ARL2BP: variants seen among roughly 807,000 people sequenced by gnomAD.
The protein encoded by ARL2BP is ADP-ribosylation factor-like protein 2-binding protein.
ARL2BP carries 19 observed loss-of-function variants against 24.2 expected under a neutral mutation model. The ratio of observed to expected loss-of-function variants is 0.79; its 90% CI spans 0.55 to 1.15. ARL2BP has a LOEUF of 1.15. ARL2BP is among the 50% of genes most tolerant of loss of function. ARL2BP has a pLI of 0.00. For synonymous variants in ARL2BP, 56 were observed against 70.5 expected, an observed-to-expected ratio of 0.79 and a Z score of 1.03; for missense variants, 160 against 190.4, an observed-to-expected ratio of 0.84 and a Z score of 0.94.
intron 3 of ARL2BP, chr16:57,249,565 C>T (rs2075400979): frequency 5.2e-6 from 3 of 579,640 alleles, no homozygotes; most frequent in Non-Finnish European, 9.3e-6. Context: ...CCATTATCAG[C>T]TAAGGCTTCT....
At chr16:57,249,689 AGGGCT>A in intron 3 of ARL2BP, 73 bp from the exon 4 acceptor site, 1 of 1,166,958 alleles carries the variant, frequency 8.6e-7, no homozygotes, top group South Asian at 1.2e-5. Flanking sequence ...ATGTTTAGAA[AGGGCT>A]GGGCAGGCTT....
At chr16:57,250,120 C>T in intron 4 of ARL2BP, 2 of 591,806 alleles carry the variant, frequency 3.4e-6, no homozygotes, top group South Asian at 4.1e-5. Context: ...ATAGTGAGGC[C>T]CCGACCCTAC....
At chr16:57,246,053 A>G in intron 1 of ARL2BP, 27 bp from the exon 2 acceptor site, 1 of 1,610,932 alleles carries the variant, frequency 6.2e-7, no homozygotes, top group Non-Finnish European at 8.5e-7. Flanking sequence ...TATTTGAAAT[A>G]GCACCTAATC....
At chr16:57,248,399 C>T (rs1038814950) in intron 2 of ARL2BP, 138 bp from the exon 3 acceptor site, 23 of 454,340 alleles carry the variant, frequency 5.1e-5, no homozygotes, top group Non-Finnish European at 8.8e-5. Context: ...CATTTAATAC[C>T]CCCTTAAAAC....
At chr16:57,248,381 C>T in intron 2 of ARL2BP, 156 bp from the exon 3 acceptor site, 1 of 321,690 alleles carries the variant, frequency 3.1e-6, no homozygotes, top group Non-Finnish European at 6.0e-6. Context: ...ATTTCCACAT[C>T]AGGGTCCCAT....
rs764360532 is a variant in ARL2BP, at chr16:57,245,378, TAGA to T, written c.14_16del (p.Glu5del). The T allele has an allele frequency of 3.7e-6, 6 of 1,607,414 alleles. No individual in the cohort carries two copies. The highest frequency in any genetic ancestry group is 1.7e-4 in the Middle Eastern group (1 of 5,922). ...CTCGGGGCGACTGCGATGGACGCCTTAGAAGGAGAGAGCTTTGCGCTGTCTTTG... is the reference window on the plus strand; with the variant it reads ...CTCGGGGCGACTGCGATGGACGCCTTAGGAGAGAGCTTTGCGCTGTCTTTG... On this transcript the variant is annotated inframe_deletion, in exon 1 of 6. Transcript: ENST00000219204.
chr16:57,246,248 AT>A, intron 2 of ARL2BP, 107 bp downstream of exon 2: 1 of 1,083,742 alleles, frequency 9.2e-7, no homozygotes, highest in Non-Finnish European at 1.4e-6. Flanking sequence ...GCTGCCTGCA[AT>A]TTTTAATGTA....
intron 4 of ARL2BP, 145 bp from the exon 5 acceptor site, chr16:57,250,266 G>C: frequency 4.4e-6 from 3 of 683,410 alleles, no homozygotes; most frequent in Non-Finnish European, 5.1e-6. Context: ...CTCCTGCCTG[G>C]GTGACAGAGC....
intron 1 of ARL2BP, among the ~76,000 whole-genome samples, 158 bp downstream of exon 1, chr16:57,245,563 C>G (rs1479871672): frequency 2.6e-5 from 4 of 152,166 alleles, no homozygotes; most frequent in Admixed American, 6.5e-5. Context: ...CCAGGCCTTC[C>G]TTTTGTAGAG....
chr16:57,250,194 G>A (rs1473038199), intron 4 of ARL2BP: 1 of 602,430 alleles, frequency 1.7e-6, no homozygotes, highest in Non-Finnish European at 2.9e-6. Flanking sequence ...GGAGGCTGAG[G>A]CTGGAGAATC....
intron 2 of ARL2BP, 47 bp downstream of exon 2, chr16:57,246,188 G>A (rs370696038): frequency 5.8e-5 from 90 of 1,551,718 alleles, no homozygotes; most frequent in Non-Finnish European, 7.5e-5. Flanking sequence ...GTTTCTTTAA[G>A]GACATTGAAA....
chr16:57,250,091 C>G (rs1429939211), intron 4 of ARL2BP: 3 of 595,692 alleles, frequency 5.0e-6, no homozygotes, highest in Non-Finnish European at 8.9e-6. Context: ...CCCAGGAGTT[C>G]AAGACCAGCC....
intron 1 of ARL2BP, chr16:57,245,757 G>C (rs2075388315): frequency 2.2e-6 from 1 of 464,404 alleles, no homozygotes; most frequent in Non-Finnish European, 3.8e-6. Context: ...CTGACCAAAT[G>C]ACCCCCCCCG....
At chr16:57,248,311 CAAAAAAAAAAA>C (rs1161528446) in intron 2 of ARL2BP, 45 of 49,250 alleles carry the variant, frequency 9.1e-4, no homozygotes, top group South Asian at 4.0e-3. Context: ...AACTCCAGCT[CAAAAAAAAAAA>C]AAAAAAAAAA....
At chr16:57,248,992 G>A (rs182171099) in intron 3 of ARL2BP, 4 of 154,972 alleles carry the variant, frequency 2.6e-5, no homozygotes, top group Admixed American at 2.0e-4. Flanking sequence ...CAAGATCTCT[G>A]TCTCTAAAAA....
Position 57,252,904 on chromosome 16 carries a change from C to G in ARL2BP, c.*637C>G, listed in dbSNP as rs1192841014. On this transcript the variant is annotated 3_prime_UTR_variant, in exon 6 of 6. Transcript: ENST00000219204. ...CACTGTCTTCTGGTCCTGATGTAGT[C>G]CCACTGTTTCTAGAAGTCTCTTTTA... 3.3e-4 allele frequency: 51 copies of G among 152,934 alleles called. No individual in the cohort carries two copies. The highest frequency in any genetic ancestry group is 3.3e-3 in the Admixed American group (51 of 15,336). 9.5% of individuals were successfully genotyped at this position (152,934 alleles called of 1,614,324 possible). A position where few individuals can be genotyped will look rare whatever the true frequency, so the allele number is the denominator to read the frequency against.
At chr16:57,251,844 A>T in intron 5 of ARL2BP, 1 of 275,710 alleles carries the variant, frequency 3.6e-6, no homozygotes. Flanking sequence ...GCACACCTGT[A>T]GTCCTAGCTA....
Position 57,245,284 on chromosome 16 carries a change from AG to A in ARL2BP, c.-83del. Reference sequence around the variant, plus strand: ...AGTGAGCTGGCCGCGGCCTTGGCTGAGAGGCCTTAACCCCGCCGGGCGGCCG... The same window carrying A: ...AGTGAGCTGGCCGCGGCCTTGGCTGAAGGCCTTAACCCCGCCGGGCGGCCG... On this transcript the variant is annotated 5_prime_UTR_variant, in exon 1 of 6. Coordinates refer to ENST00000219204, the MANE Select transcript of ARL2BP (RefSeq NM_012106.4). 6.6e-7 allele frequency: 1 copy of A among 1,517,350 alleles called. No homozygotes were observed. The highest frequency in any genetic ancestry group is 8.9e-7 in the Non-Finnish European group (1 of 1,118,144). 94.0% of individuals were successfully genotyped at this position (1,517,350 alleles called of 1,614,324 possible).
At position 57,246,080 on chromosome 16, in the gene ARL2BP, C is replaced by T. The variant is rs1567525156; in HGVS notation, c.39C>T (p.Phe13=). Reference sequence around the variant, plus strand: ...CACCTAATCCAGGCATGTTTTTCAGCTCCTCCGCCTCTGATGCAGAATTTG... The same window carrying T: ...CACCTAATCCAGGCATGTTTTTCAGTTCCTCCGCCTCTGATGCAGAATTTG... ...ALEGESFALS[F]SSASDAEFDA... is the part of the protein sequence containing the mutation. The change falls in exon 2 of 6, where the codon TTC becomes TTT. Residue 13 remains phenylalanine, a splice_region_variant and synonymous_variant. Transcript: ENST00000219204. The T allele has an allele frequency of 6.2e-7, 1 of 1,613,834 alleles. No homozygotes were observed. The highest frequency in any genetic ancestry group is 1.3e-5 in the African/African-American group (1 of 74,886).
Sources: allele counts gnomAD v4.1 joint callset (sites outside exome capture counted in the v4.1 genomes callset), GRCh38; gene constraint gnomAD v4.1.1; transcripts MANE v1.5; gene names NCBI Gene and HGNC (gene_info 2026-07-23, HGNC 2026-07-21).